The following ZNF365 variants were observed in gnomAD, a reference collection of about 807,000 sequenced individuals.
ZNF365 encodes the protein protein ZNF365.
ZNF365 carries 22 observed loss-of-function variants against 35.0 expected under a neutral mutation model. The observed-to-expected ratio is 0.63, with a 90% CI of 0.45 to 0.90. ZNF365 has a LOEUF of 0.90. ZNF365 is among the 40% of genes least tolerant of loss of function. The pLI is 0.00. For missense variants in ZNF365, 448 were observed against 500.3 expected, an observed-to-expected ratio of 0.90 and a Z score of 1.00; for synonymous variants, 188 against 196.2, an observed-to-expected ratio of 0.96 and a Z score of 0.35.
chr10:62,385,874 T>C (rs1213513946), intron 2 of ZNF365, among the ~76,000 whole-genome samples: 1 of 152,180 alleles, frequency 6.6e-6, no homozygotes, highest in African/African-American at 2.4e-5. Flanking sequence ...TAGGAAATAT[T>C]GACCGAAATG....
At chr10:62,429,751 G>A (rs1840306407) in intron 3 of ZNF365, among the ~76,000 whole-genome samples, 1 of 152,046 alleles carries the variant, frequency 6.6e-6, no homozygotes, top group Middle Eastern at 3.2e-3. Context: ...ATAGGTATTG[G>A]TTTATTATCT....
At chr10:62,440,352 G>A (rs953134484) in intron 3 of ZNF365, among the ~76,000 whole-genome samples, 1 of 149,360 alleles carries the variant, frequency 6.7e-6, no homozygotes. Flanking sequence ...TATCACCCAG[G>A]TATTAAGCCT....
intron 3 of ZNF365, among the ~76,000 whole-genome samples, chr10:62,420,764 C>T (rs764549237): frequency 6.3e-5 from 9 of 143,558 alleles, no homozygotes; most frequent in Non-Finnish European, 1.2e-4. Flanking sequence ...AGAATGGTTT[C>T]TGTTTTTCTT....
At chr10:62,476,535 T>C (rs1042304428) in intron 4 of ZNF365, among the ~76,000 whole-genome samples, 1 of 152,222 alleles carries the variant, frequency 6.6e-6, no homozygotes, top group Non-Finnish European at 1.5e-5. Context: ...CTAACTAAGG[T>C]CATATTTAAG....
At chr10:62,391,555 T>C (rs1233371257) in intron 3 of ZNF365, among the ~76,000 whole-genome samples, 4 of 152,266 alleles carry the variant, frequency 2.6e-5, no homozygotes, top group African/African-American at 9.6e-5. Flanking sequence ...TCCATCCACG[T>C]TGCTGAGAAT....
At chr10:62,429,699 C>T (rs900931207) in intron 3 of ZNF365, among the ~76,000 whole-genome samples, 11 of 152,208 alleles carry the variant, frequency 7.2e-5, no homozygotes, top group East Asian at 1.9e-4. Flanking sequence ...GTAATTGAAA[C>T]GTATTATTTA....
At chr10:62,429,216 T>C (rs1840298769) in intron 3 of ZNF365, among the ~76,000 whole-genome samples, 1 of 152,244 alleles carries the variant, frequency 6.6e-6, no homozygotes, top group Non-Finnish European at 1.5e-5. Context: ...TTGCATCTTA[T>C]GCATGTCTAA....
intron 4 of ZNF365, among the ~76,000 whole-genome samples, chr10:62,466,206 G>C (rs1389766121): frequency 6.6e-6 from 1 of 152,180 alleles, no homozygotes; most frequent in African/African-American, 2.4e-5. Flanking sequence ...CCCTCTTTGG[G>C]GTTCTGTAGT....
intron 3 of ZNF365, among the ~76,000 whole-genome samples, chr10:62,434,904 T>C (rs1440870989): frequency 6.6e-6 from 1 of 152,222 alleles, no homozygotes; most frequent in Non-Finnish European, 1.5e-5. Context: ...ACTTATTTAT[T>C]CATGTCTTCA....
intron 4 of ZNF365, among the ~76,000 whole-genome samples, chr10:62,477,476 A>G (rs1408174856): frequency 5.9e-5 from 9 of 152,196 alleles, no homozygotes; most frequent in Non-Finnish European, 1.0e-4. Flanking sequence ...CATCCTTTAG[A>G]TATGTGGGAT....
intron 3 of ZNF365, among the ~76,000 whole-genome samples, chr10:62,423,971 T>C (rs114947769): frequency 0.014 from 2,176 of 152,296 alleles, 47 homozygotes; most frequent in African/African-American, 0.05. Context: ...TACTTTCTTT[T>C]GAGACACTGA....
chr10:62,426,965 C>T (rs1199333686), intron 3 of ZNF365, among the ~76,000 whole-genome samples: 3 of 152,132 alleles, frequency 2.0e-5, no homozygotes, highest in African/African-American at 4.8e-5. Context: ...AATGTCAAGA[C>T]ATCGTAATAA....
Position 62,401,646 on chromosome 10 carries a change from A to G in ZNF365, c.*1857A>G, listed in dbSNP as rs1839831267. The stretch of plus-strand genomic sequence containing the variant: ...CCCCCTCTAAAGTTATTTATTATTG[A>G]TGCTTATACCATGATTGCACCTTAG... On this transcript the variant is annotated 3_prime_UTR_variant, in exon 5 of 5. Transcript: ENST00000395254. 6.1e-6 allele frequency: 6 copies of G among 985,066 alleles called. No individual in the cohort carries two copies. Among genetic ancestry groups the G allele is most frequent in the Non-Finnish European group, 7.2e-6 (6 of 829,596 alleles). 61.0% of individuals were successfully genotyped at this position (985,066 alleles called of 1,614,324 possible). A position where few individuals can be genotyped will look rare whatever the true frequency, so the allele number is the denominator to read the frequency against.
At position 62,383,583 on chromosome 10, in the gene ZNF365, CA is replaced by C. The variant is rs199649115; in HGVS notation, c.744-4811del. On this transcript the variant is annotated intron_variant, in intron 2 of 4. Transcript: ENST00000395254. ...AGTAGATTATAATACATGATAGGAT[CA>C]ACGTGTTGTCACTCATTAAAATGCA... 8.9e-3 allele frequency among the ~76,000 whole-genome samples: 1,355 copies of C among 152,294 alleles called. 36 individuals carry two copies. Among genetic ancestry groups the C allele is most frequent in the Admixed American group, 0.062 (955 of 15,296 alleles).
rs542861879 is a variant in ZNF365 at position 62,401,488 on chromosome 10, G to T, written c.*1699G>T. 5 of 842,214 alleles carry T rather than the reference G, an allele frequency of 5.9e-6. No individual in the cohort carries two copies. The highest frequency in any genetic ancestry group is 5.3e-6 in the Non-Finnish European group (4 of 756,882). 52.2% of individuals were successfully genotyped at this position (842,214 alleles called of 1,614,324 possible). ...TCTTCACTTTGACTTTCAGTTTATGGGGGGGGTAGATCATTCATGTGATAT... is the reference window on the plus strand; with the variant it reads ...TCTTCACTTTGACTTTCAGTTTATGTGGGGGGTAGATCATTCATGTGATAT... On this transcript the variant is annotated 3_prime_UTR_variant, in exon 5 of 5. Transcript: ENST00000395254.
chr10:62,475,603 T>G (rs1314541103), intron 4 of ZNF365, among the ~76,000 whole-genome samples: 1 of 152,104 alleles, frequency 6.6e-6, no homozygotes, highest in Non-Finnish European at 1.5e-5. Flanking sequence ...GAGAGGGAGC[T>G]TGCACTCTTT....
intron 3 of ZNF365, among the ~76,000 whole-genome samples, chr10:62,453,335 C>T (rs1347384736): frequency 6.6e-6 from 1 of 152,186 alleles, no homozygotes; most frequent in Non-Finnish European, 1.5e-5. Flanking sequence ...CACTCAATGT[C>T]CACGTGGACA....
In ZNF365 at chr10:62,390,313, A is replaced by G. The variant is rs533998595; in HGVS notation, c.924+1737A>G. The stretch of plus-strand genomic sequence containing the variant: ...ATTAAAATGTAACATTGACACTTTC[A>G]TATTTAGAATTATAAGTCATCCAGA... On this transcript the variant is annotated intron_variant, in intron 3 of 4. Transcript: ENST00000395254. Among the ~76,000 whole-genome samples, 174 of 152,332 alleles carry G rather than the reference A, an allele frequency of 1.1e-3. 6 individuals carry two copies. The South Asian group carries it at 0.036, about 31-fold the overall frequency.
In ZNF365 at chr10:62,479,983, A is replaced by G. The variant is rs151102740; in HGVS notation, c.*87A>G. On this transcript the variant is annotated 3_prime_UTR_variant, in exon 5 of 5. Transcript: ENST00000395255. ...TGCCAGAGAAGCTTTCATTCATTCA[A>G]CAAATATTTATTAAGCATGTTTTAC... is the stretch of plus-strand genomic sequence containing the variant. 4,285 of 1,590,400 alleles carry G rather than the reference A, an allele frequency of 2.7e-3. 8 individuals are homozygous for G. The highest frequency in any genetic ancestry group is 3.5e-3 in the Non-Finnish European group (4,061 of 1,170,848).
Sources: allele counts gnomAD v4.1 joint callset (sites outside exome capture counted in the v4.1 genomes callset), GRCh38; gene constraint gnomAD v4.1.1; transcripts MANE v1.5; gene names NCBI Gene and HGNC (gene_info 2026-07-23, HGNC 2026-07-21).